RAB22A: variants seen among roughly 807,000 people sequenced by gnomAD.
RAB22A encodes ras-related protein Rab-22A.
In RAB22A, 13 loss-of-function variants were observed where a neutral mutation model predicts 30.2. The observed-to-expected ratio is 0.43, with a 90% confidence interval of 0.28 to 0.68. The LOEUF is 0.68. RAB22A is among the 30% of genes least tolerant of loss of function. The pLI is 0.18. For synonymous variants in RAB22A, 89 were observed against 87.2 expected, an observed-to-expected ratio of 1.02 and a Z score of -0.11; for missense variants, 177 against 246.8, an observed-to-expected ratio of 0.72 and a Z score of 1.89.
chr20:58,357,132 A>G (rs571953649), intron 6 of RAB22A, among the ~76,000 whole-genome samples: 44 of 152,330 alleles, frequency 2.9e-4, no homozygotes, highest in Admixed American at 1.6e-3. Flanking sequence ...GTTGACAACC[A>G]TACCGGTAGT....
chr20:58,348,564 G>A lies in RAB22A; in HGVS notation c.199-4709G>A, dbSNP rs144999033. Among the ~76,000 whole-genome samples the A allele has an allele frequency of 4.6e-5, 7 of 152,242 alleles. No individual in the cohort carries two copies. The South Asian group carries it at 6.2e-4, about 14-fold the overall frequency. ...TGACTCCATGAGTAGAAGCAAACCC[G>A]AAAGTGATCCCATTATTAGAATTTG... On this transcript the variant is annotated intron_variant, in intron 3 of 6. Coordinates refer to ENST00000244040, the MANE Select transcript of RAB22A (RefSeq NM_020673.3).
chr20:58,343,762 A>G lies in RAB22A; in HGVS notation c.161A>G (p.His54Arg), dbSNP rs1600736611. The G allele has an allele frequency of 3.1e-6, 5 of 1,611,932 alleles. No individual in the cohort carries two copies. Among genetic ancestry groups the G allele is most frequent in the Non-Finnish European group, 4.2e-6 (5 of 1,177,988 alleles). The change falls in exon 3 of 7, where the codon CAT (histidine) becomes CGT (arginine). Residue 54 changes from histidine to arginine, a missense_variant. By Grantham distance (29) the His-to-Arg change is conservative. Coordinates refer to ENST00000244040, the MANE Select transcript of RAB22A (RefSeq NM_020673.3). ...TKTVQYQNEL[H>R]KFLIWDTAGQ... is the part of the protein sequence containing the mutation. ...ACTGTCCAGTACCAAAATGAGCTAC[A>G]TAAATTCCTAATCTGGGATACAGCT...
At chr20:58,317,223 A>AGCCT (rs1986359884) in intron 2 of RAB22A, among the ~76,000 whole-genome samples, 1 of 151,918 alleles carries the variant, frequency 6.6e-6, no homozygotes, top group African/African-American at 2.4e-5. Flanking sequence ...CGACCTCCCG[A>AGCCT]GTAGCTGGGA....
At chr20:58,322,360 C>G (rs762483789) in intron 2 of RAB22A, among the ~76,000 whole-genome samples, 1 of 152,152 alleles carries the variant, frequency 6.6e-6, no homozygotes, top group African/African-American at 2.4e-5. Context: ...ATTTAGACCT[C>G]CACGGTCTAG....
At chr20:58,357,430 T>C (rs1205340256) in intron 6 of RAB22A, among the ~76,000 whole-genome samples, 2 of 152,238 alleles carry the variant, frequency 1.3e-5, no homozygotes, top group Non-Finnish European at 2.9e-5. Flanking sequence ...TTTAGTCAAC[T>C]CCTTCGATGG....
intron 2 of RAB22A, among the ~76,000 whole-genome samples, chr20:58,320,035 T>A (rs190865007): frequency 1.1e-4 from 16 of 152,298 alleles, no homozygotes; most frequent in African/African-American, 3.8e-4. Context: ...TTTACTAAAA[T>A]TTTTTCAAGG....
chr20:58,310,147 C>T (rs2122914869), intron 1 of RAB22A, 135 bp downstream of exon 1: 1 of 934,062 alleles, frequency 1.1e-6, no homozygotes, highest in Non-Finnish European at 1.4e-6. Flanking sequence ...GACCCTCCCT[C>T]CAGCTCGGGA....
rs968802626 is a variant in RAB22A, at chr20:58,310,039, G to C, written c.36+27G>C. 14 of 1,264,120 alleles carry C rather than the reference G, an allele frequency of 1.1e-5. No individual in the cohort carries two copies. In the Admixed American group the frequency reaches 4.1e-4, roughly 37 times the overall value. 78.3% of individuals were successfully genotyped at this position (1,264,120 alleles called of 1,614,324 possible). ...TGAGTGGCGGCGGGTCCGGCCGGGA[G>C]GGCCACGGGAGGCTGGGCTGGCGGG... On this transcript the variant is annotated intron_variant, in intron 1 of 6. Transcript: ENST00000244040.
At chr20:58,344,873 T>C (rs1384864918) in intron 3 of RAB22A, among the ~76,000 whole-genome samples, 1 of 152,224 alleles carries the variant, frequency 6.6e-6, no homozygotes, top group Non-Finnish European at 1.5e-5. Context: ...TCTTCTGTTT[T>C]TAACACTGGA....
intron 1 of RAB22A, 96 bp from the exon 2 acceptor site, chr20:58,310,947 G>A (rs1214127268): frequency 9.9e-7 from 1 of 1,007,550 alleles, no homozygotes; most frequent in East Asian, 2.4e-5. Context: ...CGTCTAGGGT[G>A]ATTTTTCTAA....
chr20:58,326,527 A>G (rs937406535), intron 2 of RAB22A, among the ~76,000 whole-genome samples: 1 of 151,320 alleles, frequency 6.6e-6, no homozygotes, highest in Non-Finnish European at 1.5e-5. Context: ...GAGGAGTGAT[A>G]TTCTCTTATA....
intron 2 of RAB22A, among the ~76,000 whole-genome samples, chr20:58,337,466 A>G (rs538605590): frequency 5.3e-4 from 80 of 152,296 alleles, no homozygotes; most frequent in African/African-American, 1.9e-3. Context: ...GAATCTGTTC[A>G]CAGGTTCTGA....
rs372161752 is a variant in RAB22A at position 58,333,878 on chromosome 20, G to T, written c.117-9840G>T. 4.6e-5 allele frequency among the ~76,000 whole-genome samples: 7 copies of T among 152,254 alleles called. No individual in the cohort carries two copies. The South Asian group carries it at 1.5e-3, about 32-fold the overall frequency. On this transcript the variant is annotated intron_variant, in intron 2 of 6. Coordinates refer to ENST00000244040, the MANE Select transcript of RAB22A (RefSeq NM_020673.3). ...TCAAGACCAGCTTGGGTGGCATAGC[G>T]AGACCCTGTCTCTACAAGAGAATGA...
At chr20:58,327,499 T>G (rs879476527) in intron 2 of RAB22A, among the ~76,000 whole-genome samples, 1 of 152,208 alleles carries the variant, frequency 6.6e-6, no homozygotes, top group Non-Finnish European at 1.5e-5. Context: ...TAGGGCTGCT[T>G]GAGTGTCCTC....
At chr20:58,322,766 G>T (rs1401523402) in intron 2 of RAB22A, among the ~76,000 whole-genome samples, 1 of 152,102 alleles carries the variant, frequency 6.6e-6, no homozygotes. Context: ...ACTTCTACAT[G>T]TTATGAAATC....
At chr20:58,314,211 C>T (rs1239019500) in intron 2 of RAB22A, among the ~76,000 whole-genome samples, 1 of 152,014 alleles carries the variant, frequency 6.6e-6, no homozygotes, top group African/African-American at 2.4e-5. Context: ...TGGGAATCTG[C>T]CCGCCACAAT....
chr20:58,346,741 C>CA (rs1045579583), intron 3 of RAB22A, among the ~76,000 whole-genome samples: 3 of 152,248 alleles, frequency 2.0e-5, no homozygotes, highest in Middle Eastern at 3.2e-3. Context: ...GCTGTACTCC[C>CA]AGGGCCTAGC....
rs530482264 is a variant in RAB22A at position 58,315,497 on chromosome 20, T to A, written c.116+4375T>A. 4.6e-5 allele frequency among the ~76,000 whole-genome samples: 7 copies of A among 152,252 alleles called. No homozygotes were observed. The East Asian group carries it at 1.4e-3, about 29-fold the overall frequency. The stretch of plus-strand genomic sequence containing the variant: ...ACCATGCTCCCTAGACTTAGGGCCT[T>A]GACTGTGTGCTAGCAGGGAGAATAT... On this transcript the variant is annotated intron_variant, in intron 2 of 6. Coordinates refer to ENST00000244040, the MANE Select transcript of RAB22A (RefSeq NM_020673.3).
chr20:58,348,650 T>C (rs961360757), intron 3 of RAB22A, among the ~76,000 whole-genome samples: 1 of 152,192 alleles, frequency 6.6e-6, no homozygotes, highest in African/African-American at 2.4e-5. Flanking sequence ...TTTTTGTAAA[T>C]AAAGCTTTCA....
Sources: allele counts gnomAD v4.1 joint callset (sites outside exome capture counted in the v4.1 genomes callset), GRCh38; gene constraint gnomAD v4.1.1; transcripts MANE v1.5; gene names NCBI Gene and HGNC (gene_info 2026-07-23, HGNC 2026-07-21).